The following NF1 variants were observed in gnomAD, a reference collection of about 807,000 sequenced individuals.
NF1 encodes the protein neurofibromin 1, also known as neurofibromin.
NF1 carries 122 observed loss-of-function variants against 325.7 expected under a neutral mutation model. That is an observed-to-expected ratio of 0.37 (90% CI 0.32 to 0.44). The LOEUF (loss-of-function observed/expected upper bound fraction) is 0.44. Ranked by LOEUF, NF1 falls within the 20% of genes least tolerant of loss-of-function variation. The pLI is 1.00. For missense variants in NF1, 2,140 were observed against 3,415.4 expected (o/e 0.63, Z 9.31); for synonymous variants, 1,091 against 1,186.0 (o/e 0.92, Z 1.65).
At chr17:31,213,116 G>A (rs549854668) in intron 12 of NF1, among the ~76,000 whole-genome samples, 8 of 152,204 alleles carry the variant, frequency 5.3e-5, no homozygotes, top group African/African-American at 9.6e-5. Context: ...AAATAAATTC[G>A]TTTAATCAAA....
At chr17:31,222,211 G>T (rs2066936956) in intron 15 of NF1, 2 of 1,112,000 alleles carry the variant, frequency 1.8e-6, no homozygotes, top group Non-Finnish European at 1.1e-6. Flanking sequence ...ATTTCAATGT[G>T]GTTACTACTG....
Position 31,095,329 on chromosome 17 carries a change from T to G in NF1, c.20T>G (p.Val7Gly), listed in dbSNP as rs1472128030. Residue 7 changes from valine (V) to glycine (G), a missense_variant, in exon 1 of 58, where the codon GTG becomes GGG. Val to Gly is a moderately radical substitution (Grantham distance 109, BLOSUM62 -3). This residue lies in a region of NF1 where 246 missense variants were observed against 347.8 expected (regional missense o/e 0.71). Transcript: ENST00000358273. MAAHRP[V>G]EWVQAVVSRF... is the part of the protein sequence containing the mutation. The stretch of plus-strand genomic sequence containing the variant: ...GAGGACATGGCCGCGCACAGGCCGG[T>G]GGAATGGGTCCAGGCCGTGGTCAGC... 1.3e-6 allele frequency: 2 copies of G among 1,537,048 alleles called. No homozygotes were observed. Among genetic ancestry groups the G allele is most frequent in the South Asian group, 1.2e-5 (1 of 83,844 alleles).
intron 57 of NF1, among the ~76,000 whole-genome samples, chr17:31,372,701 G>A (rs562546535): frequency 6.6e-6 from 1 of 152,218 alleles, no homozygotes; most frequent in East Asian, 1.9e-4. Context: ...CTTTTCTGAA[G>A]TTACTGCTTA....
chr17:31,124,956 A>G (rs1377664622), intron 1 of NF1, among the ~76,000 whole-genome samples: 1 of 150,758 alleles, frequency 6.6e-6, no homozygotes, highest in African/African-American at 2.5e-5. Flanking sequence ...TATGTGAATC[A>G]TGTTTGTACA....
intron 36 of NF1, among the ~76,000 whole-genome samples, chr17:31,299,347 A>C (rs971319535): frequency 2.0e-5 from 3 of 152,068 alleles, no homozygotes; most frequent in Admixed American, 2.0e-4. Flanking sequence ...TTACTCAAAA[A>C]AAATATTTTT....
intron 36 of NF1, among the ~76,000 whole-genome samples, chr17:31,289,514 G>A (rs2151492998): frequency 6.6e-6 from 1 of 152,098 alleles, no homozygotes. Flanking sequence ...AAATATGCTT[G>A]GTCTACAGTG....
intron 5 of NF1, among the ~76,000 whole-genome samples, chr17:31,175,345 C>CTTTTTTTTTTTTT (rs869113407): frequency 5.6e-5 from 4 of 71,340 alleles, no homozygotes; most frequent in Non-Finnish European, 7.4e-5. Context: ...TGTGCTTTTG[C>CTTTTTTTTTTTTT]TTTTTTTTTT....
In NF1 at chr17:31,163,284, G is replaced by C. The variant is rs1390215440; in HGVS notation, c.387G>C (p.Gln129His). The change falls in exon 4 of 58, where the codon CAG becomes CAC. Residue 129 changes from glutamine (Q) to histidine (H), a missense_variant. Gln to His is a conservative substitution (Grantham distance 24). Coordinates refer to ENST00000358273, the MANE Select transcript of NF1 (RefSeq NM_001042492.3). ...TTCACACCTGTCGTGAAGGAAACCA[G>C]CATGCAGCTGAACTTCGGAATTCTG... Reference protein sequence around the residue: ...HFLHTCREGNQHAAELRNSAS... With the variant: ...HFLHTCREGNHHAAELRNSAS... 6.2e-7 allele frequency: 1 copy of C among 1,614,168 alleles called. No individual in the cohort carries two copies. The highest frequency in any genetic ancestry group is 8.5e-7 in the Non-Finnish European group (1 of 1,180,020).
chr17:31,123,112 A>G (rs113203102), intron 1 of NF1, among the ~76,000 whole-genome samples: 6 of 152,158 alleles, frequency 3.9e-5, no homozygotes, highest in Admixed American at 3.3e-4. Flanking sequence ...TGTTTTCTCA[A>G]TCCCATGAAG....
At chr17:31,272,865 A>C (rs2151477501) in intron 36 of NF1, 1 of 152,272 alleles carries the variant, frequency 6.6e-6, no homozygotes, top group East Asian at 1.9e-4. Flanking sequence ...GTGTTATGTA[A>C]ATGTTTGCTT....
intron 1 of NF1, among the ~76,000 whole-genome samples, chr17:31,144,396 C>T (rs910474905): frequency 1.3e-5 from 2 of 152,088 alleles, no homozygotes; most frequent in Non-Finnish European, 2.9e-5. Context: ...TGCCTTTTTC[C>T]CCTGTCTTTT....
chr17:31,304,945 A>G (rs759551298), intron 36 of NF1: 1 of 1,614,150 alleles, frequency 6.2e-7, no homozygotes, highest in Non-Finnish European at 8.5e-7. Context: ...CCAAAGTACA[A>G]TGATGATTAT....
Position 31,153,382 on chromosome 17 carries a change from A to T in NF1, c.61-2601A>T, listed in dbSNP as rs540074009. ...CACTATCATTACCACAGCAAATCCT[A>T]TTAGACAGTGATGCTTTTGAGTGTG... On this transcript the variant is annotated intron_variant, in intron 1 of 57. Coordinates refer to ENST00000358273, the MANE Select transcript of NF1 (RefSeq NM_001042492.3). Among the ~76,000 whole-genome samples, 3 of 152,362 alleles carry T rather than the reference A, an allele frequency of 2.0e-5. No homozygotes were observed. In the South Asian group the frequency reaches 6.2e-4, roughly 32 times the overall value.
chr17:31,353,362 T>C (rs1401969640), intron 51 of NF1, among the ~76,000 whole-genome samples: 3 of 152,238 alleles, frequency 2.0e-5, no homozygotes, highest in Non-Finnish European at 4.4e-5. Context: ...CCAGGTGCAG[T>C]GGCTCACGCC....
Position 31,156,023 on chromosome 17 carries a change from T to G in NF1, c.101T>G (p.Val34Gly), listed in dbSNP as rs1217358160. 6.2e-7 allele frequency: 1 copy of G among 1,613,688 alleles called. No individual in the cohort carries two copies. Among genetic ancestry groups the G allele is most frequent in the Non-Finnish European group, 8.5e-7 (1 of 1,179,838 alleles). Residue 34 changes from valine (V) to glycine (G), a missense_variant, in exon 2 of 58, where the codon GTC becomes GGC. Val to Gly is a moderately radical substitution (Grantham distance 109). Transcript: ENST00000358273. ...GGACAGCAGAACACACATACCAAAG[T>G]CAGTACTGAGCACAACAAGGAATGT... ...KTGQQNTHTK[V>G]STEHNKECLI...
chr17:31,098,876 G>A (rs865820117), intron 1 of NF1, among the ~76,000 whole-genome samples: 52 of 147,260 alleles, frequency 3.5e-4, no homozygotes, highest in African/African-American at 1.2e-3. Flanking sequence ...AGCTTGCGGT[G>A]AGCCGAGATT....
Position 31,225,056 on chromosome 17 carries a change from C to T in NF1, c.1846-39C>T, listed in dbSNP as rs17885830. On this transcript the variant is annotated intron_variant, in intron 16 of 57. Transcript: ENST00000358273. ...ATAAGTGTTTATTCCTCTTGGTTGT[C>T]AGTGCTTCAGTAAAGCTTATTTATT... is the stretch of plus-strand genomic sequence containing the variant. 2,947 of 1,608,110 alleles carry T rather than the reference C, an allele frequency of 1.8e-3. 48 individuals are homozygous for T. In the African/African-American group the frequency reaches 0.033, roughly 18 times the overall value.
At chr17:31,227,702 CAT>C in intron 20 of NF1, 96 bp downstream of exon 20, 1 of 1,071,026 alleles carries the variant, frequency 9.3e-7, no homozygotes, top group African/African-American at 1.6e-5. Context: ...GTAAAGTAAA[CAT>C]ATAGCTGTGT....
At position 31,151,049 on chromosome 17, in the gene NF1, T is replaced by A. The variant is rs867445349; in HGVS notation, c.61-4934T>A. Among the ~76,000 whole-genome samples the A allele has an allele frequency of 7.4e-3, 1,096 of 148,508 alleles. 8 individuals carry two copies. The highest frequency in any genetic ancestry group is 0.017 in the African/African-American group (681 of 40,462). On this transcript the variant is annotated intron_variant, in intron 1 of 57. Transcript: ENST00000358273. ...GGCTCTGTCTCAAAAAAAAAATAAA[T>A]AAATAAATAAAAATACAGTGATGCT...
Sources: allele counts gnomAD v4.1 joint callset (sites outside exome capture counted in the v4.1 genomes callset), GRCh38; gene constraint gnomAD v4.1.1; regional missense constraint gnomAD v4.1.1; transcripts MANE v1.5; gene names NCBI Gene and HGNC (gene_info 2026-07-23, HGNC 2026-07-21).